The following ZNF69 variants were observed in gnomAD, a reference collection of about 807,000 sequenced individuals.
ZNF69 encodes the protein zinc finger protein 69, also known as ZNF3.
In ZNF69, 47 loss-of-function variants were observed where a neutral mutation model predicts 50.9. That is an observed-to-expected ratio of 0.92 (90% confidence interval 0.73 to 1.18). ZNF69 has a LOEUF of 1.18. Among genes scored for constraint, ZNF69 ranks in the 50% most tolerant of loss-of-function variants. ZNF69 has a pLI of 0.00. For synonymous variants in ZNF69, 216 were observed against 223.1 expected (o/e 0.97, Z 0.29); for missense variants, 717 against 675.1 (o/e 1.06, Z -0.69).
chr19:11,910,747 A>G (rs1972445989), downstream of ZNF69, among the ~76,000 whole-genome samples: 1 of 152,238 alleles, frequency 6.6e-6, no homozygotes, highest in South Asian at 2.1e-4. Context: ...AGTAACATTC[A>G]GGACATAGGC....
chr19:11,941,934 A>G, the ZNF69 span, among the ~76,000 whole-genome samples: 1 of 151,952 alleles, frequency 6.6e-6, no homozygotes, highest in Non-Finnish European at 1.5e-5. Context: ...ATTGCTCATT[A>G]CTGCCACCCC....
the ZNF69 span, chr19:11,947,050 G>C: frequency 7.1e-7 from 1 of 1,400,444 alleles, no homozygotes; most frequent in East Asian, 2.5e-5. Context: ...GGAGAGAAAG[G>C]GATCTGATAA....
chr19:11,962,011 A>G, the ZNF69 span, among the ~76,000 whole-genome samples: 4 of 152,086 alleles, frequency 2.6e-5, no homozygotes, highest in Admixed American at 6.5e-5. Flanking sequence ...AGGTCTCACT[A>G]TGTTGCCCAG....
the ZNF69 span, chr19:11,976,919 G>A: frequency 3.2e-6 from 5 of 1,546,362 alleles, no homozygotes; most frequent in African/African-American, 4.2e-5. Context: ...AGAAAGGGAT[G>A]TGATGACCAA....
At chr19:11,888,506 G>A (rs182479563) in intron 1 of ZNF69, among the ~76,000 whole-genome samples, 2 of 152,342 alleles carry the variant, frequency 1.3e-5, no homozygotes, top group Admixed American at 1.3e-4. Flanking sequence ...AGTTTATTCG[G>A]AGCCGAATAG....
the ZNF69 span, chr19:11,950,732 A>G: frequency 2.0e-5 from 4 of 204,758 alleles, no homozygotes; most frequent in South Asian, 3.0e-4. Flanking sequence ...ATAAGAAGGT[A>G]TAATAAAATA....
chr19:11,902,206 T>G (rs1472626445), intron 1 of ZNF69, among the ~76,000 whole-genome samples: 1 of 152,104 alleles, frequency 6.6e-6, no homozygotes, highest in Admixed American at 6.5e-5. Context: ...GATCTCAAAC[T>G]CTGTCCCTCA....
chr19:11,897,808 G>C (rs1198179837), intron 1 of ZNF69, among the ~76,000 whole-genome samples: 1 of 149,980 alleles, frequency 6.7e-6, no homozygotes, highest in Non-Finnish European at 1.5e-5. Context: ...GGAGGCGGAG[G>C]TTGCAGTGAG....
chr19:11,978,085 C>T, the ZNF69 span: 1 of 1,598,408 alleles, frequency 6.3e-7, no homozygotes, highest in Non-Finnish European at 8.5e-7. Flanking sequence ...TACTCATAAA[C>T]CCTTCATAAT....
At chr19:11,979,368 A>G in the ZNF69 span, 1 of 1,611,734 alleles carries the variant, frequency 6.2e-7, no homozygotes, top group Non-Finnish European at 8.5e-7. Context: ...GAGTGTAAGG[A>G]ATGTGGGAAA....
chr19:11,963,845 C>T, the ZNF69 span, among the ~76,000 whole-genome samples: 1 of 152,218 alleles, frequency 6.6e-6, no homozygotes. Context: ...CAGCTCTCCA[C>T]CCTCTCTCCA....
chr19:11,956,750 G>A, the ZNF69 span: 2 of 382,288 alleles, frequency 5.2e-6, no homozygotes, highest in Non-Finnish European at 9.3e-6. Flanking sequence ...CAGCCATTCG[G>A]GAGGCTGAGG....
the ZNF69 span, among the ~76,000 whole-genome samples, chr19:11,963,088 A>AGAGAGAGAGAGAGAGTGTGTGTGTGT: frequency 4.1e-4 from 57 of 138,298 alleles, no homozygotes; most frequent in African/African-American, 1.5e-3. Flanking sequence ...AGAGAGAGAG[A>AGAGAGAGAGAGAGAGTGTGTGTGTGT]GTGTGTGTGT....
chr19:11,913,452 G>T, exon 5 of ZNF69: 2 of 515,936 alleles, frequency 3.9e-6, no homozygotes, highest in South Asian at 5.8e-5. Flanking sequence ...GCAGTGGCAT[G>T]ATCTCAGGTC....
the ZNF69 span, among the ~76,000 whole-genome samples, chr19:11,974,491 T>C: frequency 1.2e-4 from 18 of 152,008 alleles, no homozygotes; most frequent in East Asian, 1.9e-4. Context: ...CCACTGCCCC[T>C]GGCCTGTTTT....
chr19:11,906,994 G>A (rs533702606), downstream of ZNF69, among the ~76,000 whole-genome samples: 24 of 152,276 alleles, frequency 1.6e-4, no homozygotes, highest in African/African-American at 5.3e-4. Context: ...TGACCCGATG[G>A]AGCTGAAAAC....
intron 4 of ZNF69, among the ~76,000 whole-genome samples, chr19:11,913,050 A>G (rs1210717038): frequency 2.6e-5 from 4 of 152,026 alleles, no homozygotes; most frequent in Non-Finnish European, 5.9e-5. Flanking sequence ...ACAAAAAATT[A>G]GCCAGGCGTG....
At chr19:11,904,383 A>C (rs934260157) in intron 3 of ZNF69, among the ~76,000 whole-genome samples, 2 of 152,232 alleles carry the variant, frequency 1.3e-5, no homozygotes, top group African/African-American at 4.8e-5. Flanking sequence ...CCTAAATAAA[A>C]GAAAAATGAC....
At chr19:11,964,614 G>A in the ZNF69 span, among the ~76,000 whole-genome samples, 2 of 152,106 alleles carry the variant, frequency 1.3e-5, no homozygotes, top group Non-Finnish European at 2.9e-5. Context: ...ATTCCGGCCC[G>A]CTCAAGGACA....
Sources: allele counts gnomAD v4.1 joint callset (sites outside exome capture counted in the v4.1 genomes callset), GRCh38; gene constraint gnomAD v4.1.1; transcripts MANE v1.5; gene names NCBI Gene and HGNC (gene_info 2026-07-23, HGNC 2026-07-21).